LIFR: variants seen among roughly 807,000 people sequenced by gnomAD.
LIFR encodes LIF receptor subunit alpha.
LIFR carries 84 observed loss-of-function variants against 122.2 expected under a neutral mutation model. The ratio of observed to expected loss-of-function variants is 0.69; its 90% confidence interval spans 0.58 to 0.82. The LOEUF is 0.82. Among genes scored for constraint, LIFR ranks in the 40% least tolerant of loss-of-function variants. LIFR has a pLI of 0.00. For synonymous variants in LIFR, 422 were observed against 434.7 expected (o/e 0.97, Z 0.36); for missense variants, 1,294 against 1,311.6 (o/e 0.99, Z 0.21).
chr5:38,525,363 T>C (rs1282916219), intron 4 of LIFR, among the ~76,000 whole-genome samples: 1 of 152,166 alleles, frequency 6.6e-6, no homozygotes, highest in East Asian at 1.9e-4. Context: ...TCCTAGAAGC[T>C]CAAGGACCAA....
rs900726949 is a variant in LIFR, at chr5:38,506,731, T to C, written c.992-99A>G. Reference sequence around the variant, plus strand: ...ATGTTTTCCACAATTTCCTAAAAAATGAAATAATTTACTATTTACATTTTA... The same window carrying C: ...ATGTTTTCCACAATTTCCTAAAAAACGAAATAATTTACTATTTACATTTTA... On this transcript the variant is annotated intron_variant, in intron 7 of 19. Transcript: ENST00000453190. 38 of 1,003,098 alleles carry C rather than the reference T, an allele frequency of 3.8e-5. No homozygotes were observed. In the Admixed American group the frequency reaches 6.8e-4, roughly 18 times the overall value. The allele number at this position is 1,003,098 out of a possible 1,614,324, so 62.1% of individuals were successfully genotyped here.
At chr5:38,489,939 G>C (rs1381658531) in intron 15 of LIFR, among the ~76,000 whole-genome samples, 2 of 126,588 alleles carry the variant, frequency 1.6e-5, no homozygotes, top group Non-Finnish European at 3.1e-5. Context: ...AGGCTGAAGA[G>C]AGCCATGATC....
At chr5:38,491,263 C>T (rs1264102979) in intron 14 of LIFR, among the ~76,000 whole-genome samples, 1 of 152,172 alleles carries the variant, frequency 6.6e-6, no homozygotes, top group African/African-American at 2.4e-5. Flanking sequence ...CTCCTGAATA[C>T]AATGCAATGT....
At chr5:38,536,267 T>C (rs1308016113) in intron 1 of LIFR, among the ~76,000 whole-genome samples, 1 of 152,130 alleles carries the variant, frequency 6.6e-6, no homozygotes, top group African/African-American at 2.4e-5. Flanking sequence ...CCCAGGGTTC[T>C]GCAACCACAG....
At position 38,507,563 on chromosome 5, in the gene LIFR, C is replaced by CAAAA. The variant is rs35427960; in HGVS notation, c.992-935_992-932dup. Among the ~76,000 whole-genome samples the CAAAA allele has an allele frequency of 1.3e-4, 14 of 110,908 alleles. No individual in the cohort carries two copies. The South Asian group carries it at 4.6e-3, about 36-fold the overall frequency. 72.8% of individuals were successfully genotyped at this position (110,908 alleles called of 152,430 possible). A position where few individuals can be genotyped will look rare whatever the true frequency, so the allele number is the denominator to read the frequency against. ...TGGGCGACAGAGCGATACTCCGTCT[C>CAAAA]AAAAAAAAAAAAAAAAAAAGTGATA... On this transcript the variant is annotated intron_variant, in intron 7 of 19. Coordinates refer to ENST00000453190, the MANE Select transcript of LIFR (RefSeq NM_001127671.2).
chr5:38,584,168 T>C (rs140049843), intron 1 of LIFR, among the ~76,000 whole-genome samples: 20 of 152,250 alleles, frequency 1.3e-4, no homozygotes, highest in African/African-American at 4.8e-4. Flanking sequence ...CTTTTGATAA[T>C]AGGACTATTA....
intron 1 of LIFR, among the ~76,000 whole-genome samples, chr5:38,539,677 G>T (rs569608361): frequency 2.4e-4 from 36 of 148,594 alleles, no homozygotes; most frequent in South Asian, 1.3e-3. Flanking sequence ...TTGGTTTTTT[G>T]GGGGGGGTAA....
At chr5:38,512,693 T>C (rs1024724464) in intron 5 of LIFR, among the ~76,000 whole-genome samples, 15 of 151,968 alleles carry the variant, frequency 9.9e-5, no homozygotes, top group African/African-American at 3.6e-4. Flanking sequence ...TCTGAAATGC[T>C]CCAGTGAGCA....
chr5:38,508,887 A>G (rs1333139829), intron 7 of LIFR, among the ~76,000 whole-genome samples: 1 of 152,110 alleles, frequency 6.6e-6, no homozygotes, highest in Admixed American at 6.5e-5. Context: ...CCCGGCCTAA[A>G]TTTCTTTTCA....
At chr5:38,490,141 T>G (rs1031264604) in intron 15 of LIFR, 49 bp downstream of exon 15, 2 of 755,962 alleles carry the variant, frequency 2.6e-6, no homozygotes, top group Non-Finnish European at 4.4e-6. Context: ...CAATTTATAA[T>G]TTCTCATGTT....
At chr5:38,582,402 T>C (rs1158139135) in intron 1 of LIFR, among the ~76,000 whole-genome samples, 1 of 152,166 alleles carries the variant, frequency 6.6e-6, no homozygotes, top group Non-Finnish European at 1.5e-5. Flanking sequence ...GAGACTCAGT[T>C]TGGTTTTTTC....
At chr5:38,533,595 A>T (rs1042596695) in intron 1 of LIFR, among the ~76,000 whole-genome samples, 1 of 152,228 alleles carries the variant, frequency 6.6e-6, no homozygotes, top group African/African-American at 2.4e-5. Context: ...AGAAAAAAAG[A>T]GTTGAGAAAA....
intron 1 of LIFR, among the ~76,000 whole-genome samples, chr5:38,578,761 T>G (rs1185415222): frequency 6.6e-6 from 1 of 152,150 alleles, no homozygotes; most frequent in Non-Finnish European, 1.5e-5. Context: ...TTCACCATGT[T>G]GGATAGGCTG....
chr5:38,545,405 T>A (rs1747825144), intron 1 of LIFR, among the ~76,000 whole-genome samples: 1 of 152,086 alleles, frequency 6.6e-6, no homozygotes, highest in Non-Finnish European at 1.5e-5. Flanking sequence ...TGCACAGAAA[T>A]TAATCTAGAA....
chr5:38,581,160 C>T (rs10512687), intron 1 of LIFR, among the ~76,000 whole-genome samples: 54,868 of 151,854 alleles, frequency 0.36, 11,177 homozygotes, highest in Middle Eastern at 0.52. Context: ...ATTATAAAAA[C>T]GCTTTAGCTG....
At chr5:38,538,812 A>G (rs990046007) in intron 1 of LIFR, among the ~76,000 whole-genome samples, 1 of 152,176 alleles carries the variant, frequency 6.6e-6, no homozygotes, top group African/African-American at 2.4e-5. Flanking sequence ...TATATCACTA[A>G]CCCTATCATT....
rs529945644 is a variant in LIFR, at chr5:38,477,442, A to C, written c.*4153T>G. 4.7e-6 allele frequency: 1 copy of C among 213,900 alleles called. No homozygotes were observed. Among genetic ancestry groups the C allele is most frequent in the Non-Finnish European group, 9.5e-6 (1 of 105,782 alleles). The allele number at this position is 213,900 out of a possible 1,614,324, so 13.3% of individuals were successfully genotyped here. ...CTTAAAATAAATGCTTTCAAGAAAT[A>C]GTTTATCAAGAGAATGAGTTCTGAA... On this transcript the variant is annotated 3_prime_UTR_variant, in exon 20 of 20. Transcript: ENST00000453190.
Position 38,511,806 on chromosome 5 carries a change from A to C in LIFR, c.720T>G (p.Pro240=). Residue 240 remains proline (P), a synonymous_variant, in exon 6 of 20, where the codon CCT becomes CCG. Coordinates refer to ENST00000453190, the MANE Select transcript of LIFR (RefSeq NM_001127671.2). ...TAAGCTTACAAGAAATGTTCTTCAC[A>C]GGGCTCCAGTCACTCCACTCTTCGA... ...SGLEEWSDWS[P]VKNISWIPDS... is the part of the protein sequence containing the mutation. 1.9e-6 allele frequency: 3 copies of C among 1,613,962 alleles called. No individual in the cohort carries two copies. Among genetic ancestry groups the C allele is most frequent in the Non-Finnish European group, 2.5e-6 (3 of 1,179,830 alleles).
In LIFR at chr5:38,523,426, A is replaced by G. The variant is rs1454346825; in HGVS notation, c.554T>C (p.Val185Ala). 1.9e-6 allele frequency: 3 copies of G among 1,608,304 alleles called. No homozygotes were observed. Among genetic ancestry groups the G allele is most frequent in the Non-Finnish European group, 2.5e-6 (3 of 1,178,096 alleles). ...ATCTATGTTCAAACTTACTAATTTT[A>G]CGAGCTCCATACTCTCTTTACGTAG... is the stretch of plus-strand genomic sequence containing the variant. ...KVLRKESMEL[V>A]KLVTHNTTLN... Residue 185 changes from valine (V) to alanine (A), a missense_variant, in exon 5 of 20, where the codon GTA becomes GCA. By Grantham distance (64) the Val-to-Ala change is moderately conservative. Transcript: ENST00000453190.
Sources: allele counts gnomAD v4.1 joint callset (sites outside exome capture counted in the v4.1 genomes callset), GRCh38; gene constraint gnomAD v4.1.1; transcripts MANE v1.5; gene names NCBI Gene and HGNC (gene_info 2026-07-23, HGNC 2026-07-21).